The following TYK2 variants were observed in gnomAD, a reference collection of about 807,000 sequenced individuals.
TYK2 encodes tyrosine kinase 2, also known as non-receptor tyrosine-protein kinase TYK2.
Under a neutral mutation model 130.9 loss-of-function variants are expected in TYK2, and 65 were observed. The ratio of observed to expected loss-of-function variants is 0.50; its 90% CI spans 0.41 to 0.61. TYK2 has a LOEUF of 0.61. TYK2 is among the 20% of genes least tolerant of loss of function. TYK2 has a pLI of 0.00. For missense variants in TYK2, 1,378 were observed against 1,610.7 expected, an observed-to-expected ratio of 0.86 and a Z score of 2.47; for synonymous variants, 647 against 658.9, an observed-to-expected ratio of 0.98 and a Z score of 0.28.
rs746057141 is a variant in TYK2, at chr19:10,378,623, C to T, written c.-20-197G>A. The T allele has an allele frequency of 5.1e-6, 3 of 582,632 alleles. No homozygotes were observed. In the East Asian group the frequency reaches 8.5e-5, roughly 17 times the overall value. The allele number at this position is 582,632 out of a possible 1,614,324, so 36.1% of individuals were successfully genotyped here. On this transcript the variant is annotated intron_variant, in intron 2 of 24. Coordinates refer to ENST00000525621, the MANE Select transcript of TYK2 (RefSeq NM_003331.5). ...GACAGGGTTGGGGTATGCATCCCCA[C>T]CTAGATCTCTCATCAACAATAACAC...
chr19:10,353,791 C>T lies in TYK2; in HGVS notation c.2909-145G>A. 1.4e-6 allele frequency: 1 copy of T among 693,228 alleles called. No homozygotes were observed. 42.9% of individuals were successfully genotyped at this position (693,228 alleles called of 1,614,324 possible). On this transcript the variant is annotated intron_variant, in intron 20 of 24. Transcript: ENST00000525621. This position sits in a 1 kb window ranked among gnomAD's most constrained non-coding sequence, Gnocchi z 6.9. Reference sequence around the variant, plus strand: ...AGACCCAGTTCTCAGGTGGGATGGACCCATCCAGAACCCCATTCTCACTTG... The same window carrying T: ...AGACCCAGTTCTCAGGTGGGATGGATCCATCCAGAACCCCATTCTCACTTG...
rs759738569 is a variant in TYK2, at chr19:10,356,732, G to A, written c.2467-14C>T. 1.6e-5 allele frequency: 25 copies of A among 1,594,320 alleles called. No individual in the cohort carries two copies. The African/African-American group carries it at 3.2e-4, about 21-fold the overall frequency. On this transcript the variant is annotated splice_polypyrimidine_tract_variant and intron_variant, in intron 17 of 24. Coordinates refer to ENST00000525621, the MANE Select transcript of TYK2 (RefSeq NM_003331.5). ...GAAATGCTCCTTCTGTTGGGAAAGG[G>A]ACCCAGAGGAGTCAACATCCTCCCC...
At chr19:10,359,519 G>A (rs2041284725) in intron 14 of TYK2, among the ~76,000 whole-genome samples, 1 of 152,216 alleles carries the variant, frequency 6.6e-6, no homozygotes, top group South Asian at 2.1e-4. Context: ...TGGGGTCCAA[G>A]TGGGATGGGG....
intron 5 of TYK2, among the ~76,000 whole-genome samples, chr19:10,367,530 T>G (rs1340485038): frequency 1.3e-5 from 2 of 148,840 alleles, no homozygotes; most frequent in African/African-American, 2.5e-5. Context: ...GAGGCTGAGG[T>G]GGAAGAATCG....
chr19:10,353,618 C>T lies in TYK2; in HGVS notation c.2937G>A (p.Glu979=), dbSNP rs757596255. Residue 979 remains glutamate, a synonymous_variant, in exon 21 of 25, where the codon GAG becomes GAA. Transcript: ENST00000525621. The surrounding 1 kb of genome is among the most constrained non-coding windows in gnomAD (Gnocchi z 6.9). ...QGEKSLQLVM[E]YVPLGSLRDY... ...CTCGGAGGCTGCCCAGGGGCACGTA[C>T]TCCATGACCAGCTGCAGCGACTTCT... 8 of 1,476,956 alleles carry T rather than the reference C, an allele frequency of 5.4e-6. No homozygotes were observed. Among genetic ancestry groups the T allele is most frequent in the Admixed American group, 2.4e-5 (1 of 41,162 alleles). The allele number at this position is 1,476,956 out of a possible 1,614,324, so 91.5% of individuals were successfully genotyped here. A position where few individuals can be genotyped will look rare whatever the true frequency, so the allele number is the denominator to read the frequency against.
In TYK2 at chr19:10,364,490, G is replaced by A. The variant is rs1011193390; in HGVS notation, c.1367+124C>T. The A allele has an allele frequency of 1.1e-4, 127 of 1,174,628 alleles. No homozygotes were observed. The highest frequency in any genetic ancestry group is 1.5e-4 in the Non-Finnish European group (121 of 822,492). The allele number at this position is 1,174,628 out of a possible 1,614,324, so 72.8% of individuals were successfully genotyped here. On this transcript the variant is annotated intron_variant, in intron 9 of 24. Transcript: ENST00000525621. The surrounding 1 kb of genome is among the most constrained non-coding windows in gnomAD (Gnocchi z 4.9). Reference sequence around the variant, plus strand: ...GATCATGCCACTGCACTCCAGTTTGGGCGACAAAAAATAAAAAAAAAATAA... The same window carrying A: ...GATCATGCCACTGCACTCCAGTTTGAGCGACAAAAAATAAAAAAAAAATAA...
At chr19:10,351,739 G>A (rs2040811318) in intron 23 of TYK2, among the ~76,000 whole-genome samples, 1 of 152,000 alleles carries the variant, frequency 6.6e-6, no homozygotes, top group Admixed American at 6.6e-5. Context: ...TGTTCTTACC[G>A]TCCAGAATTT....
chr19:10,372,484 ATTTTTTT>A (rs1170442654), intron 3 of TYK2, among the ~76,000 whole-genome samples: 4 of 37,436 alleles, frequency 1.1e-4, no homozygotes, highest in Non-Finnish European at 1.3e-4. Flanking sequence ...ATATATATAT[ATTTTTTT>A]TTTTTTTTTT....
At chr19:10,356,790 C>T in intron 17 of TYK2, 72 bp from the exon 18 acceptor site, 1 of 1,521,558 alleles carries the variant, frequency 6.6e-7, no homozygotes, top group Non-Finnish European at 8.9e-7. Context: ...GAGGCAGAGT[C>T]AAGTCCCCAG....
In TYK2 at chr19:10,353,701, C is replaced by G; in HGVS notation, c.2909-55G>C. On this transcript the variant is annotated intron_variant, in intron 20 of 24. Transcript: ENST00000525621. The surrounding 1 kb of genome is among the most constrained non-coding windows in gnomAD (Gnocchi z 6.9). The stretch of plus-strand genomic sequence containing the variant: ...GGACGATAGAGGGCGGGCCGGGGAC[C>G]GCCTACCTTGAGCCCAGCAGAGCCC... 3.7e-6 allele frequency: 5 copies of G among 1,353,210 alleles called. No individual in the cohort carries two copies. The highest frequency in any genetic ancestry group is 2.7e-5 in the Admixed American group (1 of 37,212). The allele number at this position is 1,353,210 out of a possible 1,614,324, so 83.8% of individuals were successfully genotyped here.
intron 3 of TYK2, among the ~76,000 whole-genome samples, chr19:10,374,538 T>TTGTG (rs2042039139): frequency 1.8e-5 from 2 of 113,896 alleles, no homozygotes; most frequent in African/African-American, 3.6e-5. Flanking sequence ...TGAGCCGAGA[T>TTGTG]CACACCACTG....
In TYK2 at chr19:10,356,691, G is replaced by A. The variant is rs144995884; in HGVS notation, c.2494C>T (p.Arg832Trp). The A allele has an allele frequency of 3.8e-5, 62 of 1,610,866 alleles. 1 individual carries two copies. The highest frequency in any genetic ancestry group is 2.3e-4 in the African/African-American group (17 of 74,998). The change falls in exon 18 of 25, where the codon CGG becomes TGG. Residue 832 changes from arginine (R) to tryptophan (W), a missense_variant. Arg to Trp is a moderately radical substitution (Grantham distance 101). Transcript: ENST00000525621. Reference protein sequence around the residue: ...EKEHFYQRQHRLPEPSCPQLA... With the variant: ...EKEHFYQRQHWLPEPSCPQLA... ...TGTGGGCAGGAGGGCTCGGGCAGCC[G>A]GTGCTGCCTCTGGTAGAAATGCTCC...
intron 23 of TYK2, chr19:10,351,611 C>A (rs12720332): frequency 0.018 from 4,222 of 240,004 alleles, 169 homozygotes; most frequent in African/African-American, 0.088. Context: ...CCTGTTTTCT[C>A]ATCCGTAAAA....
intron 6 of TYK2, 147 bp from the exon 7 acceptor site, chr19:10,366,045 G>T: frequency 1.1e-6 from 1 of 945,088 alleles, no homozygotes; most frequent in Non-Finnish European, 1.5e-6. Context: ...ACTTGAGCCT[G>T]TAGTCTCAGC....
intron 19 of TYK2, 62 bp from the exon 20 acceptor site, chr19:10,354,296 C>T: frequency 3.8e-6 from 6 of 1,583,914 alleles, no homozygotes; most frequent in Non-Finnish European, 5.2e-6. Flanking sequence ...TCCCCAACCC[C>T]CGATTTCCCG....
Position 10,353,071 on chromosome 19 carries a change from A to T in TYK2, c.3055T>A (p.Tyr1019Asn). ...EGMAYLHAQH[Y>N]IHRDLAARNV... Reference sequence around the variant, plus strand: ...CGCGCGGCTAGGTCTCGGTGGATGTAGTGCTGCGCGTGCAGATAGGCCATG... The same window carrying T: ...CGCGCGGCTAGGTCTCGGTGGATGTTGTGCTGCGCGTGCAGATAGGCCATG... The change falls in exon 22 of 25, where the codon TAC (tyrosine) becomes AAC (asparagine). Residue 1019 changes from tyrosine to asparagine, a missense_variant. Tyr to Asn is a moderately radical substitution (Grantham distance 143). Transcript: ENST00000525621. The surrounding 1 kb of genome is among the most constrained non-coding windows in gnomAD (Gnocchi z 6.9). The T allele has an allele frequency of 2.6e-6, 4 of 1,560,670 alleles. No individual in the cohort carries two copies. Among genetic ancestry groups the T allele is most frequent in the Middle Eastern group, 1.7e-4 (1 of 5,858 alleles).
At chr19:10,358,192 C>A in intron 15 of TYK2, 54 bp from the exon 16 acceptor site, 1 of 1,548,312 alleles carries the variant, frequency 6.5e-7, no homozygotes, top group South Asian at 1.2e-5. Flanking sequence ...CAGACGCCAA[C>A]CCCAAACCTG....
In TYK2 at chr19:10,362,266, C is replaced by T; in HGVS notation, c.1667G>A (p.Gly556Glu). Residue 556 changes from glycine to glutamate, a missense_variant and splice_region_variant, in exon 11 of 25, where the codon GGA (glycine) becomes GAA (glutamate). Transcript: ENST00000525621. The stretch of plus-strand genomic sequence containing the variant: ...CAGAGGTCCCCCTATCATCGTACCT[C>T]CTGGTTGGGGCAGGCAACAGCGACG... ...SLRRCCLPQP[G>E]ETSNLIIMRG... The T allele has an allele frequency of 6.2e-7, 1 of 1,613,640 alleles. No homozygotes were observed. Among genetic ancestry groups the T allele is most frequent in the Non-Finnish European group, 8.5e-7 (1 of 1,179,622 alleles).
At chr19:10,357,675 G>T in intron 17 of TYK2, 89 bp downstream of exon 17, 1 of 1,525,844 alleles carries the variant, frequency 6.6e-7, no homozygotes. Context: ...GAGGCCAGAA[G>T]GGATGCAGCT....
Sources: allele counts gnomAD v4.1 joint callset (sites outside exome capture counted in the v4.1 genomes callset), GRCh38; gene constraint gnomAD v4.1.1; non-coding constraint Gnocchi (gnomAD v3.1); transcripts MANE v1.5; gene names NCBI Gene and HGNC (gene_info 2026-07-23, HGNC 2026-07-21).